SYNE2: variants seen among roughly 807,000 people sequenced by gnomAD.
SYNE2 encodes nesprin-2.
In SYNE2, 431 loss-of-function variants were observed where a neutral mutation model predicts 856.3. The observed-to-expected ratio is 0.50, with a 90% CI of 0.47 to 0.55. The LOEUF is 0.55. SYNE2 is among the 20% of genes least tolerant of loss of function. SYNE2 has a pLI of 0.00. For synonymous variants in SYNE2, 2,923 were observed against 2,872.3 expected (o/e 1.02, Z -0.56); for missense variants, 8,129 against 8,023.2 (o/e 1.01, Z -0.50).
chr14:63,979,716 A>T (rs2096571416), intron 14 of SYNE2, among the ~76,000 whole-genome samples: 1 of 152,192 alleles, frequency 6.6e-6, no homozygotes, highest in Non-Finnish European at 1.5e-5. Flanking sequence ...AGTTCGAGAC[A>T]TGGCGAAACC....
Position 64,215,500 on chromosome 14 carries a change from C to T in SYNE2, c.19402+146C>T, listed in dbSNP as rs1046213694. The T allele has an allele frequency of 4.3e-5, 36 of 834,786 alleles. 1 individual carries two copies. The highest frequency in any genetic ancestry group is 3.9e-4 in the Admixed American group (22 of 56,824). The allele number at this position is 834,786 out of a possible 1,614,324, so 51.7% of individuals were successfully genotyped here. On this transcript the variant is annotated intron_variant, in intron 107 of 115. Transcript: ENST00000555002. ...TTGTGTCATGGTGTATTTACACTGCCGTACTCACCCATAACTGCGTGCTCC... is the reference window on the plus strand; with the variant it reads ...TTGTGTCATGGTGTATTTACACTGCTGTACTCACCCATAACTGCGTGCTCC...
At chr14:63,903,506 T>C (rs2095365401) in intron 1 of SYNE2, among the ~76,000 whole-genome samples, 1 of 152,212 alleles carries the variant, frequency 6.6e-6, no homozygotes, top group Admixed American at 6.5e-5. Flanking sequence ...TTTATTTATT[T>C]ACTTTTTAGA....
chr14:63,962,864 G>T (rs1259214260), intron 9 of SYNE2, among the ~76,000 whole-genome samples: 1 of 152,180 alleles, frequency 6.6e-6, no homozygotes, highest in Non-Finnish European at 1.5e-5. Flanking sequence ...ATTGCCATTT[G>T]ATTATTCAGT....
At chr14:64,048,776 A>G (rs2153478) in intron 46 of SYNE2, 136,135 of 152,068 alleles carry the variant, frequency 0.9, 61,165 homozygotes, top group Non-Finnish European at 0.94. Context: ...AGGCAAGATG[A>G]TGTGTGCCTG....
intron 96 of SYNE2, among the ~76,000 whole-genome samples, chr14:64,185,513 CTT>C (rs1167173698): frequency 8.6e-6 from 1 of 115,956 alleles, no homozygotes; most frequent in Non-Finnish European, 1.7e-5. Flanking sequence ...TTTTCTTTTT[CTT>C]TTTCTTTTTT....
At chr14:64,098,206 G>A in intron 62 of SYNE2, 60 bp downstream of exon 62, 1 of 1,576,100 alleles carries the variant, frequency 6.3e-7, no homozygotes, top group Non-Finnish European at 8.7e-7. Flanking sequence ...AATGGGTAGT[G>A]TTTTCCACCT....
chr14:64,080,683 G>C (rs761581484), intron 56 of SYNE2, 45 bp downstream of exon 56: 4 of 1,602,460 alleles, frequency 2.5e-6, no homozygotes, highest in South Asian at 1.1e-5. Flanking sequence ...TGGTGGTATT[G>C]AGATGGTGTT....
intron 108 of SYNE2, among the ~76,000 whole-genome samples, chr14:64,217,043 T>G (rs2098669882): frequency 6.6e-6 from 1 of 152,228 alleles, no homozygotes. Context: ...CTTTGTTATG[T>G]TAACCTTTTG....
At position 64,032,463 on chromosome 14, in the gene SYNE2, G is replaced by A. The variant is rs929446688; in HGVS notation, c.7221+1106G>A. 3.9e-5 allele frequency among the ~76,000 whole-genome samples: 6 copies of A among 152,306 alleles called. No homozygotes were observed. The East Asian group carries it at 1.2e-3, about 29-fold the overall frequency. Reference sequence around the variant, plus strand: ...TGTTATCCCAGCTCCTTGGGAGGCTGAGATGGGGGAATCATTTGAGCCTAG... The same window carrying A: ...TGTTATCCCAGCTCCTTGGGAGGCTAAGATGGGGGAATCATTTGAGCCTAG... On this transcript the variant is annotated intron_variant, in intron 45 of 115. Transcript: ENST00000555002.
Position 64,049,446 on chromosome 14 carries a change from A to ATAG in SYNE2, c.7378-163_7378-162insGTA, listed in dbSNP as rs775167855. ...GGGTGACAAAATAATAATAATAATA[A>ATAG]TAATAATAATAATTTTTAAAGGTTA... is the stretch of plus-strand genomic sequence containing the variant. On this transcript the variant is annotated intron_variant, in intron 46 of 115. Coordinates refer to ENST00000555002, the MANE Select transcript of SYNE2 (RefSeq NM_182914.3). Among the ~76,000 whole-genome samples the ATAG allele has an allele frequency of 5.5e-3, 816 of 148,968 alleles. 8 individuals carry two copies. The highest frequency in any genetic ancestry group is 0.019 in the African/African-American group (778 of 40,882).
intron 2 of SYNE2, among the ~76,000 whole-genome samples, chr14:63,917,097 ATAAT>A (rs2095542386): frequency 2.6e-5 from 4 of 152,110 alleles, no homozygotes; most frequent in Admixed American, 1.3e-4. Flanking sequence ...TTTAAAATAA[ATAAT>A]TAATTAATTT....
intron 1 of SYNE2, among the ~76,000 whole-genome samples, chr14:63,882,379 A>G (rs751998715): frequency 2.6e-5 from 4 of 152,168 alleles, no homozygotes; most frequent in Non-Finnish European, 4.4e-5. Flanking sequence ...AGGAATTTCT[A>G]TCACTCTTGA....
chr14:64,154,598 G>A (rs1224123103), intron 85 of SYNE2, among the ~76,000 whole-genome samples: 1 of 151,992 alleles, frequency 6.6e-6, no homozygotes, highest in African/African-American at 2.4e-5. Flanking sequence ...TTTAAGACCA[G>A]CCTGGCCAAC....
intron 79 of SYNE2, among the ~76,000 whole-genome samples, chr14:64,139,554 G>A (rs2098124340): frequency 6.6e-6 from 1 of 152,086 alleles, no homozygotes; most frequent in Admixed American, 6.5e-5. Context: ...TGGGACTACA[G>A]GCGCCTGCCA....
At chr14:64,224,619 G>T in intron 114 of SYNE2, 72 bp downstream of exon 114, 1 of 1,562,320 alleles carries the variant, frequency 6.4e-7, no homozygotes, top group Non-Finnish European at 8.8e-7. Flanking sequence ...GGGAAGCTTG[G>T]GATTCCAAGA....
chr14:63,984,068 C>T (rs1381628501), intron 18 of SYNE2, among the ~76,000 whole-genome samples, 182 bp downstream of exon 18: 2 of 152,016 alleles, frequency 1.3e-5, no homozygotes, highest in African/African-American at 4.8e-5. Flanking sequence ...GTGGCAAAAC[C>T]CTGTCTATAC....
chr14:64,147,551 C>T (rs1032142380), intron 84 of SYNE2, among the ~76,000 whole-genome samples: 5 of 152,112 alleles, frequency 3.3e-5, no homozygotes, highest in African/African-American at 1.2e-4. Flanking sequence ...GGAACAAGGT[C>T]GAAATGGATT....
chr14:63,765,599 C>T (rs1040434111), intron 1 of SYNE2, among the ~76,000 whole-genome samples: 13 of 152,148 alleles, frequency 8.5e-5, no homozygotes, highest in Middle Eastern at 3.4e-3. Context: ...CCTCATGATC[C>T]GCCTGCCTCG....
Position 64,020,008 on chromosome 14 carries a change from A to C in SYNE2, c.5066A>C (p.His1689Pro), listed in dbSNP as rs1269088572. ...RERLKEELQVHEQKTSEFSRR... is the reference protein window; with the variant it reads ...RERLKEELQVPEQKTSEFSRR... Reference sequence around the variant, plus strand: ...ATGTTTTAGGAAGAATTACAAGTCCATGAACAAAAAACTTCAGAATTTTCT... The same window carrying C: ...ATGTTTTAGGAAGAATTACAAGTCCCTGAACAAAAAACTTCAGAATTTTCT... Residue 1689 changes from histidine to proline, a missense_variant, in exon 35 of 116, where the codon CAT (histidine) becomes CCT (proline). By Grantham distance (77) the His-to-Pro change is moderately conservative (BLOSUM62 -2). Transcript: ENST00000555002. 1.2e-6 allele frequency: 2 copies of C among 1,612,490 alleles called. No individual in the cohort carries two copies. The highest frequency in any genetic ancestry group is 1.7e-6 in the Non-Finnish European group (2 of 1,178,528).
Sources: allele counts gnomAD v4.1 joint callset (sites outside exome capture counted in the v4.1 genomes callset), GRCh38; gene constraint gnomAD v4.1.1; transcripts MANE v1.5; gene names NCBI Gene and HGNC (gene_info 2026-07-23, HGNC 2026-07-21).